The following IQSEC1 variants were observed in gnomAD, a reference collection of about 807,000 sequenced individuals.
IQSEC1 encodes the protein IQ motif and Sec7 domain ArfGEF 1, also known as IQ motif and SEC7 domain-containing protein 1.
A neutral mutation model predicts 91.0 loss-of-function variants in IQSEC1; 31 were observed. The ratio of observed to expected loss-of-function variants is 0.34; its 90% CI spans 0.26 to 0.46. The LOEUF (loss-of-function observed/expected upper bound fraction) is 0.46, where lower values mean the gene tolerates loss of function less well. Among genes scored for constraint, IQSEC1 ranks in the 20% least tolerant of loss-of-function variants. The pLI, the probability that IQSEC1 is intolerant of heterozygous loss-of-function variation, is 1.00. For missense variants in IQSEC1, 1,388 were observed against 1,575.6 expected (o/e 0.88, Z 2.02); for synonymous variants, 699 against 662.6 (o/e 1.05, Z -0.84).
At position 12,897,913 on chromosome 3, in the gene IQSEC1, G is replaced by C. The variant is rs1198040261; in HGVS notation, c.*3070C>G. 6.6e-6 allele frequency: 1 copy of C among 152,168 alleles called. No homozygotes were observed. The highest frequency in any genetic ancestry group is 1.5e-5 in the Non-Finnish European group (1 of 68,026). The allele number at this position is 152,168 out of a possible 1,614,324, so 9.4% of individuals were successfully genotyped here. The stretch of plus-strand genomic sequence containing the variant: ...GGATGAACTTTATTTTTACATTGTT[G>C]TACAATTCATTGGTAAACTTAAAAA... On this transcript the variant is annotated 3_prime_UTR_variant, in exon 14 of 14. Transcript: ENST00000613206.
At chr3:13,188,061 G>C (rs1460435672) in intron 1 of IQSEC1, among the ~76,000 whole-genome samples, 1 of 152,170 alleles carries the variant, frequency 6.6e-6, no homozygotes, top group African/African-American at 2.4e-5. Context: ...CCCATCTCCA[G>C]CCATTCTGTT....
intron 12 of IQSEC1, among the ~76,000 whole-genome samples, chr3:12,904,260 T>C (rs1694716746): frequency 6.6e-6 from 1 of 152,236 alleles, no homozygotes; most frequent in African/African-American, 2.4e-5. Flanking sequence ...CCTTGTCTGC[T>C]GACCCCAAAC....
At position 12,898,978 on chromosome 3, in the gene IQSEC1, C is replaced by CT. The variant is rs1396315950; in HGVS notation, c.*2004dup. 6.3e-5 allele frequency: 13 copies of CT among 206,504 alleles called. No individual in the cohort carries two copies. The highest frequency in any genetic ancestry group is 2.7e-4 in the Admixed American group (5 of 18,566). The allele number at this position is 206,504 out of a possible 1,614,324, so 12.8% of individuals were successfully genotyped here. A position where few individuals can be genotyped will look rare whatever the true frequency, so the allele number is the denominator to read the frequency against. ...CTGGACCCAATCACACGGTCCCATG[C>CT]TGTTTCTTTCTGAGCAGACACCAAA... On this transcript the variant is annotated 3_prime_UTR_variant, in exon 14 of 14. Coordinates refer to ENST00000613206, the MANE Select transcript of IQSEC1 (RefSeq NM_001134382.3).
chr3:13,026,765 C>T (rs546123601), intron 1 of IQSEC1, among the ~76,000 whole-genome samples: 3 of 152,262 alleles, frequency 2.0e-5, no homozygotes, highest in African/African-American at 7.2e-5. Flanking sequence ...CTGCATCCCT[C>T]CCTCACTGCT....
chr3:12,903,202 G>T (rs1197473617), intron 12 of IQSEC1, among the ~76,000 whole-genome samples: 1 of 152,176 alleles, frequency 6.6e-6, no homozygotes, highest in Non-Finnish European at 1.5e-5. Flanking sequence ...AATGGGGAGG[G>T]GTGAGGGCAG....
chr3:13,188,039 C>T (rs1169109407), intron 1 of IQSEC1, among the ~76,000 whole-genome samples: 1 of 152,206 alleles, frequency 6.6e-6, no homozygotes, highest in African/African-American at 2.4e-5. Context: ...GACCACTGAC[C>T]TGCCTGGGCC....
intron 2 of IQSEC1, among the ~76,000 whole-genome samples, chr3:13,161,139 G>A (rs770221096): frequency 9.9e-5 from 15 of 152,174 alleles, no homozygotes; most frequent in Non-Finnish European, 1.5e-4. Context: ...AGGCACGCAG[G>A]AATCATGGGC....
intron 2 of IQSEC1, among the ~76,000 whole-genome samples, chr3:12,937,184 C>T (rs930724430): frequency 4.6e-5 from 7 of 152,154 alleles, no homozygotes; most frequent in South Asian, 2.1e-4. Flanking sequence ...CCACCCGCCT[C>T]GCCCTCCCAA....
intron 1 of IQSEC1, among the ~76,000 whole-genome samples, chr3:12,954,948 A>G (rs1699807654): frequency 1.3e-5 from 2 of 152,106 alleles, no homozygotes; most frequent in African/African-American, 4.8e-5. Flanking sequence ...TTCTCCCGCA[A>G]CTCCACAGGC....
chr3:12,928,686 A>G (rs781296572), intron 3 of IQSEC1, among the ~76,000 whole-genome samples: 1 of 152,176 alleles, frequency 6.6e-6, no homozygotes, highest in Non-Finnish European at 1.5e-5. Flanking sequence ...TTCTCCATCC[A>G]CCTGTGCCCT....
chr3:13,163,449 A>G (rs1028850201), intron 2 of IQSEC1, among the ~76,000 whole-genome samples: 4 of 152,062 alleles, frequency 2.6e-5, no homozygotes, highest in African/African-American at 9.7e-5. Context: ...CCCATCTCCC[A>G]TGACCATGGC....
At chr3:13,182,965 C>A (rs146289964) in intron 1 of IQSEC1, among the ~76,000 whole-genome samples, 2 of 152,098 alleles carry the variant, frequency 1.3e-5, no homozygotes, top group African/African-American at 4.8e-5. Flanking sequence ...GAAATTGAGA[C>A]CATCCTGGCT....
rs896611865 is a variant in IQSEC1, at chr3:12,909,892, C to T, written c.2417-458G>A. 3.3e-5 allele frequency among the ~76,000 whole-genome samples: 5 copies of T among 152,232 alleles called. No homozygotes were observed. On this transcript the variant is annotated intron_variant, in intron 10 of 13. Transcript: ENST00000613206. This position sits in a 1 kb window ranked among gnomAD's most constrained non-coding sequence, Gnocchi z 4.9. Reference sequence around the variant, plus strand: ...TGCCACCTCCGGGCTCTCAGGGTCCCTGGGGCTTTGGTCTCCTGGCGGTGC... The same window carrying T: ...TGCCACCTCCGGGCTCTCAGGGTCCTTGGGGCTTTGGTCTCCTGGCGGTGC...
intron 2 of IQSEC1, among the ~76,000 whole-genome samples, chr3:13,112,139 C>A (rs1024099006): frequency 6.6e-6 from 1 of 152,232 alleles, no homozygotes; most frequent in Non-Finnish European, 1.5e-5. Flanking sequence ...ACTGTCACCT[C>A]CCCTGGAGCC....
At chr3:13,040,927 C>T (rs909952346) in intron 1 of IQSEC1, among the ~76,000 whole-genome samples, 4 of 152,166 alleles carry the variant, frequency 2.6e-5, no homozygotes, top group African/African-American at 9.7e-5. Flanking sequence ...GTCTGTCCCT[C>T]ATTTGTCCCT....
At chr3:13,108,554 A>G (rs1706191399) in intron 2 of IQSEC1, among the ~76,000 whole-genome samples, 1 of 151,646 alleles carries the variant, frequency 6.6e-6, no homozygotes, top group Non-Finnish European at 1.5e-5. Context: ...TCTTGCCAAG[A>G]TTCTCCTTTT....
At chr3:13,012,335 A>C (rs17037535) in intron 1 of IQSEC1, among the ~76,000 whole-genome samples, 22,379 of 152,020 alleles carry the variant, frequency 0.15, 2,414 homozygotes, top group East Asian at 0.44. Flanking sequence ...TGCTCCTAAA[A>C]TCTAGCTCAT....
intron 3 of IQSEC1, among the ~76,000 whole-genome samples, chr3:12,931,433 C>T (rs1697663046): frequency 6.6e-6 from 1 of 152,256 alleles, no homozygotes; most frequent in African/African-American, 2.4e-5. Flanking sequence ...GCCTCGCTGC[C>T]TGCACCTACG....
chr3:12,941,970 C>T, intron 1 of IQSEC1, 105 bp from the exon 2 acceptor site: 1 of 1,094,446 alleles, frequency 9.1e-7, no homozygotes, highest in Non-Finnish European at 1.3e-6. Context: ...AGCCCCCATG[C>T]CCGTTCTTCT....
Sources: gnomAD v4.1 joint callset for allele counts (sites outside exome capture counted in the v4.1 genomes callset) on GRCh38, gnomAD v4.1.1 for gene constraint, Gnocchi (gnomAD v3.1) non-coding constraint, MANE v1.5 for transcripts, NCBI Gene and HGNC (gene_info 2026-07-23, HGNC 2026-07-21) for gene names.